Variants in GRB14 observed in about 807,000 individuals in gnomAD.
The protein encoded by GRB14 is growth factor receptor bound protein 14, also known as growth factor receptor-bound protein 14.
GRB14 carries 38 observed loss-of-function variants against 69.1 expected under a neutral mutation model. That is an observed-to-expected ratio of 0.55 (90% CI 0.42 to 0.72). GRB14 has a LOEUF of 0.72. GRB14 is among the 30% of genes least tolerant of loss of function. GRB14 has a pLI of 0.00. For missense variants in GRB14, 666 were observed against 666.1 expected, an observed-to-expected ratio of 1.00 and a Z score of 0.00; for synonymous variants, 247 against 241.3, an observed-to-expected ratio of 1.02 and a Z score of -0.22.
chr2:164,531,659 G>A (rs566204003), intron 3 of GRB14, among the ~76,000 whole-genome samples: 1 of 152,326 alleles, frequency 6.6e-6, no homozygotes, highest in Admixed American at 6.5e-5. Context: ...AGGAGGCAGA[G>A]TTAAAGGGTT....
rs906643871 is a variant in GRB14 at position 164,520,538 on chromosome 2, G to A, written c.816+1442C>T. Among the ~76,000 whole-genome samples, 6 of 152,028 alleles carry A rather than the reference G, an allele frequency of 3.9e-5. No individual in the cohort carries two copies. In the South Asian group the frequency reaches 6.2e-4, roughly 16 times the overall value. On this transcript the variant is annotated intron_variant, in intron 6 of 13. Coordinates refer to ENST00000263915, the MANE Select transcript of GRB14 (RefSeq NM_004490.3). ...TAATTAAACTAAAAGCTTCTGCACA[G>A]CAAAAGAAACACTCATCAGAGTAAA...
intron 9 of GRB14, among the ~76,000 whole-genome samples, chr2:164,500,288 A>G (rs543241663): frequency 6.6e-6 from 1 of 152,224 alleles, no homozygotes; most frequent in African/African-American, 2.4e-5. Context: ...GGTGGCTGTT[A>G]CATCCTTTAT....
intron 3 of GRB14, 137 bp downstream of exon 3, chr2:164,547,523 T>G: frequency 1.7e-6 from 1 of 584,884 alleles, no homozygotes; most frequent in Non-Finnish European, 2.8e-6. Flanking sequence ...GAAAAAAGAA[T>G]GAAAAGGAAC....
In GRB14 at chr2:164,581,237, C is replaced by T. The variant is rs188688560; in HGVS notation, c.325-33421G>A. On this transcript the variant is annotated intron_variant, in intron 2 of 13. Coordinates refer to ENST00000263915, the MANE Select transcript of GRB14 (RefSeq NM_004490.3). ...AGCTGAATAATTCCCCCGCCTTCAC[C>T]CCATGTCAGTGTCCTAATTCCTGGA... is the stretch of plus-strand genomic sequence containing the variant. 2.7e-3 allele frequency among the ~76,000 whole-genome samples: 404 copies of T among 152,222 alleles called. 1 individual carries two copies. The highest frequency in any genetic ancestry group is 9.3e-3 in the African/African-American group (388 of 41,524).
Position 164,508,377 on chromosome 2 carries a change from G to C in GRB14, c.1023+78C>G, listed in dbSNP as rs8192674. The C allele has an allele frequency of 8.8e-6, 10 of 1,141,660 alleles. No individual in the cohort carries two copies. The Admixed American group carries it at 1.3e-4, about 14-fold the overall frequency. The allele number at this position is 1,141,660 out of a possible 1,614,324, so 70.7% of individuals were successfully genotyped here. On this transcript the variant is annotated intron_variant, in intron 8 of 13. Coordinates refer to ENST00000263915, the MANE Select transcript of GRB14 (RefSeq NM_004490.3). ...ATGTAGCCACCCAGTGAGACTTCAC[G>C]TTCTGAAATACAGATATTTTCTAAC...
At chr2:164,590,994 A>G (rs1689648133) in intron 2 of GRB14, among the ~76,000 whole-genome samples, 1 of 152,210 alleles carries the variant, frequency 6.6e-6, no homozygotes, top group Admixed American at 6.5e-5. Context: ...CAGCAAAATT[A>G]TTTGGCCTAA....
chr2:164,522,851 G>A (rs771799885), intron 5 of GRB14, among the ~76,000 whole-genome samples: 2 of 152,066 alleles, frequency 1.3e-5, no homozygotes, highest in African/African-American at 4.8e-5. Context: ...GAGCAAGCCT[G>A]TCATTGCTTT....
intron 2 of GRB14, among the ~76,000 whole-genome samples, chr2:164,575,473 A>C (rs1689229756): frequency 6.6e-6 from 1 of 152,188 alleles, no homozygotes; most frequent in East Asian, 1.9e-4. Flanking sequence ...TAACAATTTA[A>C]GAATCGTTAT....
chr2:164,577,056 A>G (rs1296033736), intron 2 of GRB14, among the ~76,000 whole-genome samples: 1 of 152,220 alleles, frequency 6.6e-6, no homozygotes, highest in Non-Finnish European at 1.5e-5. Context: ...AATATAATTT[A>G]TACAAATTGA....
chr2:164,502,352 T>A lies in GRB14; in HGVS notation c.1024-17A>T. ...CATGCCATACTGCAGAATAAATAAA[T>A]AAAACACATTCCCACCACTTTTACT... On this transcript the variant is annotated splice_polypyrimidine_tract_variant and intron_variant, in intron 8 of 13. Transcript: ENST00000263915. 4.5e-6 allele frequency: 6 copies of A among 1,335,272 alleles called. No individual in the cohort carries two copies. Among genetic ancestry groups the A allele is most frequent in the Non-Finnish European group, 6.5e-6 (6 of 928,950 alleles). The allele number at this position is 1,335,272 out of a possible 1,614,324, so 82.7% of individuals were successfully genotyped here. A position where few individuals can be genotyped will look rare whatever the true frequency, so the allele number is the denominator to read the frequency against.
intron 2 of GRB14, among the ~76,000 whole-genome samples, chr2:164,555,813 G>T (rs1181017479): frequency 6.6e-6 from 1 of 151,602 alleles, no homozygotes; most frequent in Non-Finnish European, 1.5e-5. Flanking sequence ...ACAGGAATTT[G>T]CTCTGAACTG....
intron 2 of GRB14, among the ~76,000 whole-genome samples, chr2:164,603,662 C>CAAAAAA (rs1257080656): frequency 1.5e-5 from 1 of 66,640 alleles, no homozygotes; most frequent in Non-Finnish European, 3.5e-5. Flanking sequence ...GACACCACCT[C>CAAAAAA]AAAAAAAAAA....
chr2:164,621,277 G>A lies in GRB14; in HGVS notation c.33C>T (p.Ala11=). ...AATCCCGGGCAGCCGCCCTGCTCGC[G>A]GCGCTCTGCCCATCTTGCAGGGAAG... MTTSLQDGQS[A]ASRAAARDSP... is the part of the protein sequence containing the mutation. Residue 11 remains alanine, a synonymous_variant, in exon 1 of 14, where the codon GCC becomes GCT. Coordinates refer to ENST00000263915, the MANE Select transcript of GRB14 (RefSeq NM_004490.3). The surrounding 1 kb of genome is among the most constrained non-coding windows in gnomAD (Gnocchi z 6.0). The A allele has an allele frequency of 1.6e-6, 2 of 1,284,730 alleles. No homozygotes were observed. Among genetic ancestry groups the A allele is most frequent in the Non-Finnish European group, 9.8e-7 (1 of 1,015,448 alleles). The allele number at this position is 1,284,730 out of a possible 1,614,324, so 79.6% of individuals were successfully genotyped here. A position where few individuals can be genotyped will look rare whatever the true frequency, so the allele number is the denominator to read the frequency against.
intron 2 of GRB14, among the ~76,000 whole-genome samples, chr2:164,572,357 T>A (rs1054205655): frequency 6.6e-6 from 1 of 152,174 alleles, no homozygotes; most frequent in African/African-American, 2.4e-5. Flanking sequence ...TTCATAATGT[T>A]CCTCAGTTCA....
Position 164,492,929 on chromosome 2 carries a change from A to T in GRB14, c.*107T>A. On this transcript the variant is annotated 3_prime_UTR_variant, in exon 14 of 14. Coordinates refer to ENST00000263915, the MANE Select transcript of GRB14 (RefSeq NM_004490.3). ...ACTATTTTTTTGTAACTTGCAGGTGAAATACATTCTTTTCACATGGTAATG... is the reference window on the plus strand; with the variant it reads ...ACTATTTTTTTGTAACTTGCAGGTGTAATACATTCTTTTCACATGGTAATG... The T allele has an allele frequency of 9.7e-7, 1 of 1,029,362 alleles. No individual in the cohort carries two copies. The highest frequency in any genetic ancestry group is 1.4e-6 in the Non-Finnish European group (1 of 725,108). 63.8% of individuals were successfully genotyped at this position (1,029,362 alleles called of 1,614,324 possible).
chr2:164,584,147 A>ATTT lies in GRB14; in HGVS notation c.324+35537_324+35539dup, dbSNP rs55883951. Among the ~76,000 whole-genome samples, 20 of 49,902 alleles carry ATTT rather than the reference A, an allele frequency of 4.0e-4. 1 individual carries two copies. The highest frequency in any genetic ancestry group is 6.8e-4 in the African/African-American group (8 of 11,688). The allele number at this position is 49,902 out of a possible 152,430, so 32.7% of individuals were successfully genotyped here. ...ATAGGCATCCACCACCAGCCTGGCT[A>ATTT]TTTTTTTTTTTTTTTTTTTTTTTTT... On this transcript the variant is annotated intron_variant, in intron 2 of 13. Transcript: ENST00000263915.
In GRB14 at chr2:164,608,589, AAG is replaced by A. The variant is rs764373460; in HGVS notation, c.324+11096_324+11097del. Among the ~76,000 whole-genome samples, 457 of 145,126 alleles carry A rather than the reference AAG, an allele frequency of 3.1e-3. 4 individuals carry two copies. Among genetic ancestry groups the A allele is most frequent in the African/African-American group, 0.011 (428 of 38,372 alleles). On this transcript the variant is annotated intron_variant, in intron 2 of 13. Coordinates refer to ENST00000263915, the MANE Select transcript of GRB14 (RefSeq NM_004490.3). ...TTCATGCCTTGGACAAATGGAAAAAAAGAAAAAAGAAAAAAAGTTAAATTAAT... is the reference window on the plus strand; with the variant it reads ...TTCATGCCTTGGACAAATGGAAAAAAAAAAAAGAAAAAAAGTTAAATTAAT...
intron 2 of GRB14, among the ~76,000 whole-genome samples, chr2:164,561,025 T>G (rs1688814507): frequency 6.6e-6 from 1 of 152,180 alleles, no homozygotes; most frequent in African/African-American, 2.4e-5. Flanking sequence ...CTTAGAGTTC[T>G]GGGGCACAGC....
At chr2:164,502,664 A>C (rs1023486030) in intron 8 of GRB14, among the ~76,000 whole-genome samples, 6 of 151,580 alleles carry the variant, frequency 4.0e-5, no homozygotes, top group South Asian at 2.1e-4. Flanking sequence ...AAAAAAAAAA[A>C]CTCACTTGGG....
Sources: allele counts gnomAD v4.1 joint callset (sites outside exome capture counted in the v4.1 genomes callset), GRCh38; gene constraint gnomAD v4.1.1; non-coding constraint Gnocchi (gnomAD v3.1); transcripts MANE v1.5; gene names NCBI Gene and HGNC (gene_info 2026-07-23, HGNC 2026-07-21).